The following SASH1 variants were observed in gnomAD, a reference collection of about 807,000 sequenced individuals.
SASH1 encodes SAM and SH3 domain containing 1, also known as SAM and SH3 domain-containing protein 1.
Under a neutral mutation model 125.2 loss-of-function variants are expected in SASH1, and 44 were observed. The observed-to-expected ratio is 0.35, with a 90% confidence interval of 0.28 to 0.45. The LOEUF (loss-of-function observed/expected upper bound fraction) is 0.45, where lower values mean the gene tolerates loss of function less well. SASH1 is among the 20% of genes least tolerant of loss of function. SASH1 has a pLI of 1.00. For missense variants in SASH1, 1,426 were observed against 1,614.5 expected (o/e 0.88, Z 2.00); for synonymous variants, 639 against 649.1 (o/e 0.98, Z 0.24).
rs556798140 is a variant in SASH1, at chr6:148,440,390, C to T, written c.369C>T (p.Thr123=). The T allele has an allele frequency of 1.8e-5, 29 of 1,614,072 alleles. 2 individuals carry two copies. In the African/African-American group the frequency reaches 2.8e-4, roughly 16 times the overall value. ...TTGGCTTCTGTAGCGCCGTGTCAAC[C>T]CCAGAAGTGGAAAGAAAGTAAGTCT... ...ESLGFCSAVS[T]PEVERKNPLH... is the part of the protein sequence containing the mutation. Residue 123 remains threonine, a synonymous_variant, in exon 4 of 20, where the codon ACC becomes ACT. Transcript: ENST00000367467.
intron 7 of SASH1, among the ~76,000 whole-genome samples, chr6:148,486,936 AATATATATATATATATATATATAT>A (rs68036618): frequency 0.021 from 1,301 of 62,016 alleles, 102 homozygotes; most frequent in East Asian, 0.13. Flanking sequence ...AACAACAACA[AATATATATATATATATATATATAT>A]ATATATATAT....
chr6:148,326,367 T>C (rs13218808), intron 1 of SASH1, among the ~76,000 whole-genome samples: 4 of 87,696 alleles, frequency 4.6e-5, no homozygotes, highest in Non-Finnish European at 6.9e-5. Flanking sequence ...TGCATATATA[T>C]ATATATACAT....
chr6:148,235,130 CGTCATAACGT>C, the SASH1 span, among the ~76,000 whole-genome samples: 4 of 152,098 alleles, frequency 2.6e-5, no homozygotes, highest in African/African-American at 7.2e-5. Context: ...GGAGCACTTG[CGTCATAACGT>C]GTCAATGGTA....
chr6:148,233,742 CAAAAAAAAA>C, the SASH1 span, among the ~76,000 whole-genome samples: 17,531 of 60,652 alleles, frequency 0.29, 2,223 homozygotes, highest in Middle Eastern at 0.47. Flanking sequence ...TTCCTCTCTA[CAAAAAAAAA>C]AAAAAAAAAA....
At chr6:148,252,424 T>G in the SASH1 span, among the ~76,000 whole-genome samples, 1 of 152,044 alleles carries the variant, frequency 6.6e-6, no homozygotes, top group Non-Finnish European at 1.5e-5. Flanking sequence ...ATGGCTATAC[T>G]GACACCATCA....
chr6:148,536,181 G>A (rs955635868), intron 16 of SASH1, among the ~76,000 whole-genome samples: 4 of 152,274 alleles, frequency 2.6e-5, no homozygotes, highest in African/African-American at 4.8e-5. Context: ...GCCAGGTTGC[G>A]TGTAAAGAGC....
At chr6:148,390,102 A>T (rs774949246) in intron 1 of SASH1, 32 bp from the exon 2 acceptor site, 4 of 1,610,612 alleles carry the variant, frequency 2.5e-6, no homozygotes, top group Non-Finnish European at 3.4e-6. Flanking sequence ...GGGTGGACTG[A>T]CCTGACCGCC....
the SASH1 span, among the ~76,000 whole-genome samples, chr6:148,214,189 T>G: frequency 6.6e-6 from 1 of 152,198 alleles, no homozygotes; most frequent in South Asian, 2.1e-4. Flanking sequence ...GACACTGGAC[T>G]GAGGTCTAAT....
At chr6:148,398,619 G>A (rs1784047955) in intron 2 of SASH1, among the ~76,000 whole-genome samples, 1 of 152,152 alleles carries the variant, frequency 6.6e-6, no homozygotes. Context: ...AATGAGAACT[G>A]TGCCGCACAC....
chr6:148,376,497 T>G (rs186629633), intron 1 of SASH1, among the ~76,000 whole-genome samples: 50 of 152,304 alleles, frequency 3.3e-4, no homozygotes, highest in African/African-American at 1.1e-3. Flanking sequence ...TTGTAAGCGC[T>G]CATCACCACA....
chr6:148,393,645 C>G, intron 2 of SASH1: 1 of 919,266 alleles, frequency 1.1e-6, no homozygotes, highest in Non-Finnish European at 1.3e-6. Context: ...GATAATAAAA[C>G]CTCCTTCTCA....
At chr6:148,234,315 A>T in the SASH1 span, among the ~76,000 whole-genome samples, 1 of 149,754 alleles carries the variant, frequency 6.7e-6, no homozygotes, top group Non-Finnish European at 1.5e-5. Context: ...AAAAGCTAGC[A>T]AACTTAGCAA....
At chr6:148,482,035 A>G (rs1484468999) in intron 7 of SASH1, among the ~76,000 whole-genome samples, 1 of 146,404 alleles carries the variant, frequency 6.8e-6, no homozygotes, top group East Asian at 2.0e-4. Context: ...CAGGACATTC[A>G]ATCTTTTACT....
At chr6:148,503,413 G>A (rs1255903308) in intron 8 of SASH1, among the ~76,000 whole-genome samples, 2 of 152,114 alleles carry the variant, frequency 1.3e-5, no homozygotes, top group Non-Finnish European at 2.9e-5. Flanking sequence ...GTCTAATTAC[G>A]GGGGACCATG....
chr6:148,271,913 C>G (rs1449806729), upstream of SASH1, among the ~76,000 whole-genome samples: 2 of 152,080 alleles, frequency 1.3e-5, no homozygotes, highest in African/African-American at 4.8e-5. Context: ...AGCCAAACAC[C>G]GTGCTGAGAG....
At chr6:148,415,885 T>C (rs536039389) in intron 2 of SASH1, among the ~76,000 whole-genome samples, 1 of 152,334 alleles carries the variant, frequency 6.6e-6, no homozygotes, top group Admixed American at 6.5e-5. Context: ...GGAAGCTCTT[T>C]TAAAGAGAGA....
At chr6:148,244,786 C>T in the SASH1 span, among the ~76,000 whole-genome samples, 16 of 152,148 alleles carry the variant, frequency 1.1e-4, no homozygotes, top group Non-Finnish European at 2.1e-4. Flanking sequence ...CCAAGGGCGA[C>T]ATGAGAAAAG....
Position 148,343,038 on chromosome 6 carries a change from G to A in SASH1, c.-30G>A, listed in dbSNP as rs1781386787. The A allele has an allele frequency of 1.6e-6, 2 of 1,240,488 alleles. No homozygotes were observed. Among genetic ancestry groups the A allele is most frequent in the Non-Finnish European group, 2.0e-6 (2 of 993,468 alleles). 76.8% of individuals were successfully genotyped at this position (1,240,488 alleles called of 1,614,324 possible). ...CGGGGCGAGGGCGCCGCGGGGACTG[G>A]GACGCACGGCCCGCGCGCGGGACAC... On this transcript the variant is annotated 5_prime_UTR_variant, in exon 1 of 20. Transcript: ENST00000367467.
At chr6:148,365,747 G>C (rs533199698) in intron 1 of SASH1, among the ~76,000 whole-genome samples, 7 of 152,146 alleles carry the variant, frequency 4.6e-5, no homozygotes, top group Admixed American at 3.3e-4. Context: ...GGCTGAGGTG[G>C]GTGGATCGTT....
Sources: gnomAD v4.1 joint callset for allele counts (sites outside exome capture counted in the v4.1 genomes callset) on GRCh38, gnomAD v4.1.1 for gene constraint, MANE v1.5 for transcripts, NCBI Gene and HGNC (gene_info 2026-07-23, HGNC 2026-07-21) for gene names.